The following SIM1 variants were observed in gnomAD, a reference collection of about 807,000 sequenced individuals.
SIM1 encodes the protein single-minded homolog 1.
SIM1 carries 18 observed loss-of-function variants against 78.2 expected under a neutral mutation model. The ratio of observed to expected loss-of-function variants is 0.23; its 90% confidence interval spans 0.16 to 0.34. The LOEUF (loss-of-function observed/expected upper bound fraction) is 0.34, where lower values mean the gene tolerates loss of function less well. Ranked by LOEUF, SIM1 falls within the 10% of genes least tolerant of loss-of-function variation. SIM1 has a pLI of 1.00. For synonymous variants in SIM1, 417 were observed against 385.2 expected, an observed-to-expected ratio of 1.08 and a Z score of -0.97; for missense variants, 939 against 975.1, an observed-to-expected ratio of 0.96 and a Z score of 0.49.
chr6:100,446,030 G>A (rs1772343847), intron 9 of SIM1, among the ~76,000 whole-genome samples: 1 of 149,602 alleles, frequency 6.7e-6, no homozygotes, highest in African/African-American at 2.5e-5. Flanking sequence ...TATTAACACC[G>A]TTTACTAAGA....
intron 3 of SIM1, among the ~76,000 whole-genome samples, chr6:100,452,601 A>G (rs986940957): frequency 7.2e-5 from 11 of 152,226 alleles, no homozygotes; most frequent in Non-Finnish European, 1.5e-4. Context: ...GAAATGTGGC[A>G]TGAAGAAGAG....
At chr6:100,423,612 T>C (rs7747929) in intron 9 of SIM1, among the ~76,000 whole-genome samples, 55,150 of 152,120 alleles carry the variant, frequency 0.36, 10,461 homozygotes, top group East Asian at 0.76. Context: ...ATTCCAATGG[T>C]CATTTGCACA....
chr6:100,463,250 G>C (rs754911024), intron 2 of SIM1, 44 bp downstream of exon 2: 1 of 1,539,360 alleles, frequency 6.5e-7, no homozygotes, highest in East Asian at 2.3e-5. Flanking sequence ...GCAAATCCCC[G>C]GCCCCTTCTG....
rs1417981042 is a variant in SIM1, at chr6:100,448,462, C to T, written c.743+17G>A. The stretch of plus-strand genomic sequence containing the variant: ...CCCTCAGGCTAGGAGAGGCCCTTTC[C>T]GGCCCTGCCCACCCACCTGGAGTCC... On this transcript the variant is annotated intron_variant, in intron 7 of 11. Coordinates refer to ENST00000369208, the MANE Select transcript of SIM1 (RefSeq NM_005068.3). 10 of 1,611,650 alleles carry T rather than the reference C, an allele frequency of 6.2e-6. No homozygotes were observed. The highest frequency in any genetic ancestry group is 7.6e-6 in the Non-Finnish European group (9 of 1,178,800).
At chr6:100,454,758 G>A (rs1178624664) in intron 2 of SIM1, among the ~76,000 whole-genome samples, 3 of 152,074 alleles carry the variant, frequency 2.0e-5, no homozygotes, top group Non-Finnish European at 4.4e-5. Flanking sequence ...AAACGCTCCG[G>A]ACTCTTGTGG....
chr6:100,414,907 G>T (rs373199891), intron 10 of SIM1, among the ~76,000 whole-genome samples: 2 of 152,228 alleles, frequency 1.3e-5, no homozygotes, highest in East Asian at 3.8e-4. Context: ...TGAAAATTAA[G>T]AGGGTTCTGT....
At chr6:100,391,577 T>C (rs1770640498) in intron 11 of SIM1, among the ~76,000 whole-genome samples, 1 of 152,210 alleles carries the variant, frequency 6.6e-6, no homozygotes, top group African/African-American at 2.4e-5. Context: ...TCCAAATAAA[T>C]AACCTAAAAT....
At chr6:100,405,527 T>C (rs929099585) in intron 10 of SIM1, among the ~76,000 whole-genome samples, 4 of 152,160 alleles carry the variant, frequency 2.6e-5, no homozygotes, top group Non-Finnish European at 5.9e-5. Context: ...ATTTGATTCA[T>C]TTATAGTTTA....
At chr6:100,391,238 C>T in intron 11 of SIM1, 147 bp from the exon 12 acceptor site, 2 of 808,762 alleles carry the variant, frequency 2.5e-6, no homozygotes, top group Non-Finnish European at 1.8e-6. Flanking sequence ...GATGTGAGCA[C>T]ATGAGTGACA....
At chr6:100,458,532 A>T (rs1028114498) in intron 2 of SIM1, among the ~76,000 whole-genome samples, 1 of 152,202 alleles carries the variant, frequency 6.6e-6, no homozygotes, top group Non-Finnish European at 1.5e-5. Context: ...GGCTGCTGGC[A>T]CACACCTGCA....
At position 100,389,340 on chromosome 6, in the gene SIM1, A is replaced by T; in HGVS notation, c.*1021T>A. On this transcript the variant is annotated 3_prime_UTR_variant, in exon 12 of 12. Coordinates refer to ENST00000369208, the MANE Select transcript of SIM1 (RefSeq NM_005068.3). ...TTTCCACATGTTGTCACATTGGCAC[A>T]TATGTGCTTTGAAACGTTTTCAAAC... The T allele has an allele frequency of 2.9e-6, 1 of 340,702 alleles. No homozygotes were observed. The highest frequency in any genetic ancestry group is 4.4e-5 in the East Asian group (1 of 22,844). 21.1% of individuals were successfully genotyped at this position (340,702 alleles called of 1,614,324 possible).
chr6:100,430,909 A>T (rs1174898330), intron 9 of SIM1, among the ~76,000 whole-genome samples: 3 of 152,136 alleles, frequency 2.0e-5, no homozygotes, highest in Non-Finnish European at 4.4e-5. Context: ...CAAAAAAAAT[A>T]CCTGTAATAA....
chr6:100,438,516 G>A (rs1407007189), intron 9 of SIM1, among the ~76,000 whole-genome samples: 2 of 152,204 alleles, frequency 1.3e-5, no homozygotes, highest in African/African-American at 4.8e-5. Context: ...ACTGATAGAA[G>A]TGTAAATTAG....
intron 9 of SIM1, among the ~76,000 whole-genome samples, chr6:100,424,326 C>A (rs1425157717): frequency 6.6e-6 from 1 of 152,106 alleles, no homozygotes; most frequent in South Asian, 2.1e-4. Context: ...TAACGGAAGA[C>A]CATGATGGCA....
intron 9 of SIM1, among the ~76,000 whole-genome samples, chr6:100,423,731 G>A (rs889275406): frequency 2.6e-5 from 4 of 151,858 alleles, no homozygotes; most frequent in African/African-American, 9.7e-5. Context: ...TTCTGCATGA[G>A]AAAAAACTCA....
chr6:100,423,990 C>T (rs942150780), intron 9 of SIM1, among the ~76,000 whole-genome samples: 1 of 152,080 alleles, frequency 6.6e-6, no homozygotes, highest in African/African-American at 2.4e-5. Context: ...TGCATCTCAG[C>T]CCAGGGATTT....
At chr6:100,412,697 AAGAAAGAAAG>A (rs1410326420) in intron 10 of SIM1, among the ~76,000 whole-genome samples, 8 of 114,480 alleles carry the variant, frequency 7.0e-5, no homozygotes, top group Admixed American at 9.8e-5. Flanking sequence ...GAAAGAAAGA[AAGAAAGAAAG>A]AAAGAAAGAA....
rs1770554868 is a variant in SIM1, at chr6:100,388,179, G to A, written c.*2182C>T. Reference sequence around the variant, plus strand: ...TTCAAAACTTAGTTTTTATTGTATGGTCACCCCTTGGTATAAACAGGGAGT... The same window carrying A: ...TTCAAAACTTAGTTTTTATTGTATGATCACCCCTTGGTATAAACAGGGAGT... On this transcript the variant is annotated 3_prime_UTR_variant, in exon 12 of 12. Coordinates refer to ENST00000369208, the MANE Select transcript of SIM1 (RefSeq NM_005068.3). 6.6e-6 allele frequency: 1 copy of A among 151,784 alleles called. No homozygotes were observed. The highest frequency in any genetic ancestry group is 1.5e-5 in the Non-Finnish European group (1 of 67,946). 9.4% of individuals were successfully genotyped at this position (151,784 alleles called of 1,614,324 possible).
rs190711047 is a variant in SIM1, at chr6:100,432,838, C to T, written c.999-11880G>A. On this transcript the variant is annotated intron_variant, in intron 9 of 11. Transcript: ENST00000369208. ...TGCTTACATGACATTTCCACTCTGA[C>T]GAATGACGGGCATCTTGAAGCTAAA... Among the ~76,000 whole-genome samples, 46 of 152,224 alleles carry T rather than the reference C, an allele frequency of 3.0e-4. 2 individuals are homozygous for T. In the East Asian group the frequency reaches 8.1e-3, roughly 27 times the overall value.
Sources: allele counts gnomAD v4.1 joint callset (sites outside exome capture counted in the v4.1 genomes callset), GRCh38; gene constraint gnomAD v4.1.1; transcripts MANE v1.5; gene names NCBI Gene and HGNC (gene_info 2026-07-23, HGNC 2026-07-21).